SAMMSON: variants seen among roughly 807,000 people sequenced by gnomAD.
SAMMSON encodes the protein survival associated mitochondrial melanoma specific oncogenic non-coding RNA.
At chr3:70,348,827 A>G (rs563740054) in intron 7 of SAMMSON, among the ~76,000 whole-genome samples, 97 of 152,176 alleles carry the variant, frequency 6.4e-4, no homozygotes, top group African/African-American at 2.3e-3. Flanking sequence ...GGAACATGGG[A>G]GCTCTGCGAG....
chr3:70,419,922 G>GCCA (rs1701297998), intron 2 of SAMMSON, among the ~76,000 whole-genome samples: 1 of 152,236 alleles, frequency 6.6e-6, no homozygotes, highest in South Asian at 2.1e-4. Context: ...ACAGGCATGA[G>GCCA]CCACCACGCC....
At chr3:70,330,240 T>G (rs974237846) in intron 7 of SAMMSON, among the ~76,000 whole-genome samples, 1 of 151,930 alleles carries the variant, frequency 6.6e-6, no homozygotes, top group Non-Finnish European at 1.5e-5. Context: ...TTTTCTCATT[T>G]TTAAAGTCAT....
chr3:70,390,415 A>G (rs553649450), downstream of SAMMSON, among the ~76,000 whole-genome samples: 10 of 152,274 alleles, frequency 6.6e-5, no homozygotes, highest in South Asian at 2.1e-3. Flanking sequence ...TTATGAAAAG[A>G]GAGGTTTAAT....
chr3:70,150,103 C>T (rs1405210538), intron 4 of SAMMSON, among the ~76,000 whole-genome samples: 1 of 151,968 alleles, frequency 6.6e-6, no homozygotes, highest in African/African-American at 2.4e-5. Context: ...GTTTTAATAT[C>T]TCAGTTGGTT....
downstream of SAMMSON, among the ~76,000 whole-genome samples, chr3:70,394,701 A>G (rs1701076927): frequency 6.6e-6 from 1 of 152,166 alleles, no homozygotes. Context: ...ATATTTCACC[A>G]CAATAAATAA....
At chr3:70,157,276 A>G (rs569085149) in intron 4 of SAMMSON, among the ~76,000 whole-genome samples, 14 of 152,226 alleles carry the variant, frequency 9.2e-5, no homozygotes, top group African/African-American at 3.4e-4. Context: ...CACTCTGGCT[A>G]CGAGGAACGA....
intron 9 of SAMMSON, among the ~76,000 whole-genome samples, chr3:70,369,910 A>T (rs1361141923): frequency 6.6e-6 from 1 of 151,834 alleles, no homozygotes. Flanking sequence ...ATTAGAACTT[A>T]TTCCTTCAAT....
intron 2 of SAMMSON, among the ~76,000 whole-genome samples, chr3:70,430,486 C>T (rs1701405157): frequency 6.6e-6 from 1 of 151,974 alleles, no homozygotes; most frequent in African/African-American, 2.4e-5. Context: ...TAACATGGAG[C>T]AGTCTAGAAA....
chr3:70,166,167 G>A (rs2067636118), intron 4 of SAMMSON, among the ~76,000 whole-genome samples: 1 of 151,872 alleles, frequency 6.6e-6, no homozygotes, highest in Non-Finnish European at 1.5e-5. Context: ...GCCAAACCTG[G>A]GGTTGAATTC....
intron 7 of SAMMSON, among the ~76,000 whole-genome samples, chr3:70,337,595 T>A (rs777249674): frequency 6.6e-6 from 1 of 152,004 alleles, no homozygotes; most frequent in Non-Finnish European, 1.5e-5. Flanking sequence ...TAGGGAGATC[T>A]TGCATCACTT....
In SAMMSON at chr3:70,350,192, C is replaced by G. The variant is rs189893433; in HGVS notation, n.740-3983C>G. On this transcript the variant is annotated intron_variant and non_coding_transcript_variant, in intron 7 of 9. Coordinates refer to ENST00000642114, the Ensembl canonical transcript of SAMMSON. ...AAATCTCCAGAATGCAAAAAGTGTT[C>G]CTCAAAGTTATTAATTGAAAATAAT... Among the ~76,000 whole-genome samples, 54 of 152,204 alleles carry G rather than the reference C, an allele frequency of 3.5e-4. No homozygotes were observed. In the South Asian group the frequency reaches 3.7e-3, roughly 11 times the overall value.
chr3:70,310,874 A>T (rs1702448305), intron 7 of SAMMSON, among the ~76,000 whole-genome samples: 1 of 152,154 alleles, frequency 6.6e-6, no homozygotes, highest in Admixed American at 6.5e-5. Flanking sequence ...AGAATCACAC[A>T]AACTGGCATT....
chr3:70,017,551 T>C (rs917500518), intron 3 of SAMMSON, among the ~76,000 whole-genome samples: 9 of 152,156 alleles, frequency 5.9e-5, no homozygotes, highest in African/African-American at 1.9e-4. Flanking sequence ...TGAATTCCTC[T>C]TTTCCTAATT....
chr3:70,364,232 T>A (rs1276552947), intron 9 of SAMMSON, among the ~76,000 whole-genome samples: 1 of 151,892 alleles, frequency 6.6e-6, no homozygotes, highest in Non-Finnish European at 1.5e-5. Flanking sequence ...GAGAAGTTAA[T>A]CCTCTGGCAG....
intron 4 of SAMMSON, chr3:70,125,743 A>T: frequency 1.5e-6 from 1 of 673,378 alleles, no homozygotes; most frequent in Non-Finnish European, 2.7e-6. Context: ...AGGACACGAA[A>T]GTATGTTCAA....
At chr3:70,016,669 T>C (rs1295718109) in intron 3 of SAMMSON, among the ~76,000 whole-genome samples, 1 of 152,212 alleles carries the variant, frequency 6.6e-6, no homozygotes, top group Admixed American at 6.5e-5. Flanking sequence ...CCCATGCCTG[T>C]GTCCTGAATG....
At chr3:70,406,226 C>T (rs1469479107) in intron 2 of SAMMSON, among the ~76,000 whole-genome samples, 5 of 152,126 alleles carry the variant, frequency 3.3e-5, no homozygotes, top group Admixed American at 6.5e-5. Flanking sequence ...AGAACTACTA[C>T]TAACTTTTCA....
chr3:70,203,131 T>C (rs149220893), intron 4 of SAMMSON, among the ~76,000 whole-genome samples: 9 of 152,172 alleles, frequency 5.9e-5, no homozygotes, highest in Non-Finnish European at 1.2e-4. Flanking sequence ...CTCCCAGAAG[T>C]GATCCCAGAC....
intron 3 of SAMMSON, among the ~76,000 whole-genome samples, chr3:70,027,594 G>A (rs1486632583): frequency 6.6e-6 from 1 of 152,126 alleles, no homozygotes; most frequent in Non-Finnish European, 1.5e-5. Context: ...TTGTTATGAG[G>A]GTTGGAGTAG....
Sources: gnomAD v4.1 joint callset for allele counts (sites outside exome capture counted in the v4.1 genomes callset) on GRCh38, gnomAD v4.1.1 for gene constraint, MANE v1.5 for transcripts, NCBI Gene and HGNC (gene_info 2026-07-23, HGNC 2026-07-21) for gene names.